Variants in DYNC2H1 observed in about 807,000 individuals in gnomAD.
DYNC2H1 encodes the protein cytoplasmic dynein 2 heavy chain 1.
A neutral mutation model predicts 570.0 loss-of-function variants in DYNC2H1; 410 were observed. The ratio of observed to expected loss-of-function variants is 0.72; its 90% CI spans 0.66 to 0.78. The LOEUF is 0.78. Ranked by LOEUF, DYNC2H1 falls within the 30% of genes least tolerant of loss-of-function variation. DYNC2H1 has a pLI of 0.00. For missense variants in DYNC2H1, 4,865 were observed against 5,046.4 expected, an observed-to-expected ratio of 0.96 and a Z score of 1.09; for synonymous variants, 1,688 against 1,677.6, an observed-to-expected ratio of 1.01 and a Z score of -0.15.
chr11:103,197,383 G>C (rs1330252343), intron 47 of DYNC2H1, among the ~76,000 whole-genome samples: 1 of 152,104 alleles, frequency 6.6e-6, no homozygotes, highest in African/African-American at 2.4e-5. Context: ...ATATAGACTA[G>C]TGGTGCCATC....
intron 84 of DYNC2H1, among the ~76,000 whole-genome samples, chr11:103,401,727 T>A (rs1942652496): frequency 6.6e-6 from 1 of 152,164 alleles, no homozygotes; most frequent in South Asian, 2.1e-4. Flanking sequence ...TAAAACATCA[T>A]TAAAGTGCTT....
chr11:103,141,719 G>A (rs2134820275), intron 17 of DYNC2H1, among the ~76,000 whole-genome samples: 1 of 152,326 alleles, frequency 6.6e-6, no homozygotes, highest in Admixed American at 6.5e-5. Flanking sequence ...CTGCATGCTG[G>A]GAGAACTATT....
At chr11:103,140,844 A>AT (rs1859875195) in intron 17 of DYNC2H1, among the ~76,000 whole-genome samples, 1 of 152,202 alleles carries the variant, frequency 6.6e-6, no homozygotes, top group Non-Finnish European at 1.5e-5. Flanking sequence ...AGGTACACCC[A>AT]TCAGACGTAG....
In DYNC2H1 at chr11:103,237,265, C is replaced by G. The variant is rs145034250; in HGVS notation, c.9819+726C>G. 5.6e-3 allele frequency among the ~76,000 whole-genome samples: 855 copies of G among 152,056 alleles called. 5 individuals are homozygous for G. The highest frequency in any genetic ancestry group is 0.019 in the African/African-American group (782 of 41,528). On this transcript the variant is annotated intron_variant, in intron 63 of 88. Coordinates refer to ENST00000375735, the MANE Select transcript of DYNC2H1 (RefSeq NM_001377.3). ...TCCTTTTCCTCTCAGTAATCCTTCT[C>G]TCTGCCTACACACTATTTCCTTATT...
intron 82 of DYNC2H1, among the ~76,000 whole-genome samples, chr11:103,337,630 G>A (rs1284942975): frequency 6.6e-6 from 1 of 152,132 alleles, no homozygotes; most frequent in African/African-American, 2.4e-5. Context: ...TCTCTGATGA[G>A]TAGTGATGTT....
chr11:103,253,986 C>T (rs1864943264), intron 66 of DYNC2H1, among the ~76,000 whole-genome samples: 1 of 152,006 alleles, frequency 6.6e-6, no homozygotes. Context: ...ATTTTTTCCC[C>T]TTTAAAGATA....
intron 75 of DYNC2H1, among the ~76,000 whole-genome samples, chr11:103,287,944 T>C (rs750196959): frequency 2.6e-5 from 4 of 152,026 alleles, no homozygotes; most frequent in Non-Finnish European, 4.4e-5. Flanking sequence ...TCCCTGAGCA[T>C]TGGGGGTTAC....
At chr11:103,312,167 G>C in intron 79 of DYNC2H1, 134 bp downstream of exon 79, 1 of 861,142 alleles carries the variant, frequency 1.2e-6, no homozygotes. Context: ...GATCACCTGA[G>C]GTCCGGAGTT....
intron 87 of DYNC2H1, among the ~76,000 whole-genome samples, chr11:103,460,302 G>A (rs2135822494): frequency 7.2e-6 from 1 of 139,240 alleles, no homozygotes; most frequent in South Asian, 2.3e-4. Context: ...AACCATGCAT[G>A]TAATTATAGC....
Position 103,186,366 on chromosome 11 carries a change from A to G in DYNC2H1, c.6758A>G (p.Asp2253Gly), listed in dbSNP as rs777990945. The change falls in exon 42 of 89, where the codon GAT becomes GGT. Residue 2253 changes from aspartate to glycine, a missense_variant. By Grantham distance (94) the Asp-to-Gly change is moderately conservative. Around this residue, in one of 5 missense-constraint regions of DYNC2H1, gnomAD observed 2,401 missense variants for 2,454.6 expected, o/e 0.98. Transcript: ENST00000375735. The surrounding 1 kb of genome is among the most constrained non-coding windows in gnomAD (Gnocchi z 4.5). ...LKKPEDLTAD[D>G]FSNGLTLPVI... ...AAGCCAGAAGACTTGACTGCTGATG[A>G]TTTCAGTAACGGCTTAACTCTTCCA... 1.2e-6 allele frequency: 2 copies of G among 1,612,806 alleles called. No individual in the cohort carries two copies. Among genetic ancestry groups the G allele is most frequent in the South Asian group, 2.2e-5 (2 of 91,072 alleles).
At chr11:103,270,202 A>G (rs1865650007) in intron 70 of DYNC2H1, among the ~76,000 whole-genome samples, 2 of 151,184 alleles carry the variant, frequency 1.3e-5, no homozygotes, top group Admixed American at 1.3e-4. Flanking sequence ...CAAAAAAAAA[A>G]AAAAAAATAA....
chr11:103,160,917 G>C lies in DYNC2H1; in HGVS notation c.4379-15G>C. 7.0e-7 allele frequency: 1 copy of C among 1,436,528 alleles called. No individual in the cohort carries two copies. The highest frequency in any genetic ancestry group is 9.4e-7 in the Non-Finnish European group (1 of 1,063,358). The allele number at this position is 1,436,528 out of a possible 1,614,324, so 89.0% of individuals were successfully genotyped here. A position where few individuals can be genotyped will look rare whatever the true frequency, so the allele number is the denominator to read the frequency against. On this transcript the variant is annotated splice_polypyrimidine_tract_variant and intron_variant, in intron 28 of 88. Coordinates refer to ENST00000375735, the MANE Select transcript of DYNC2H1 (RefSeq NM_001377.3). Reference sequence around the variant, plus strand: ...TTAATCCTTTTGCAATTCAATCATTGCTTTTATATTTCAGGTATTAACAGT... The same window carrying C: ...TTAATCCTTTTGCAATTCAATCATTCCTTTTATATTTCAGGTATTAACAGT...
intron 80 of DYNC2H1, 90 bp downstream of exon 80, chr11:103,316,710 T>C: frequency 1.1e-6 from 1 of 940,980 alleles, no homozygotes; most frequent in Non-Finnish European, 1.5e-6. Flanking sequence ...GTGGCTTAAC[T>C]TCCTATCACA....
intron 83 of DYNC2H1, among the ~76,000 whole-genome samples, chr11:103,390,783 C>T (rs540017758): frequency 3.9e-4 from 59 of 152,232 alleles, no homozygotes; most frequent in African/African-American, 1.1e-3. Context: ...ATATGAAATT[C>T]TGGGTTGAAA....
At chr11:103,202,964 A>G (rs547490385) in intron 50 of DYNC2H1, among the ~76,000 whole-genome samples, 82 of 152,210 alleles carry the variant, frequency 5.4e-4, no homozygotes, top group Admixed American at 4.7e-3. Context: ...TGGCCTGCAT[A>G]GTAGCAGGCC....
intron 82 of DYNC2H1, among the ~76,000 whole-genome samples, chr11:103,331,847 G>A (rs1938813447): frequency 6.6e-6 from 1 of 152,166 alleles, no homozygotes; most frequent in Admixed American, 6.5e-5. Flanking sequence ...AGATCACGAG[G>A]TCAGGAGATG....
At chr11:103,468,495 C>A in intron 87 of DYNC2H1, 94 bp from the exon 88 acceptor site, 1 of 797,154 alleles carries the variant, frequency 1.3e-6, no homozygotes, top group Non-Finnish European at 2.0e-6. Flanking sequence ...TCGGTGAACA[C>A]AATGGAAAGC....
intron 85 of DYNC2H1, among the ~76,000 whole-genome samples, chr11:103,451,463 G>C (rs184000721): frequency 6.6e-6 from 1 of 150,464 alleles, no homozygotes; most frequent in Non-Finnish European, 1.5e-5. Flanking sequence ...CTCCCAAGTA[G>C]CTGGGGCTAC....
chr11:103,320,288 G>A (rs1033536396), intron 80 of DYNC2H1, among the ~76,000 whole-genome samples: 1 of 152,130 alleles, frequency 6.6e-6, no homozygotes, highest in Admixed American at 6.5e-5. Context: ...TGTAATCCCA[G>A]CTACTCAGGA....
Sources: gnomAD v4.1 joint callset for allele counts (sites outside exome capture counted in the v4.1 genomes callset) on GRCh38, gnomAD v4.1.1 for gene constraint, gnomAD v4.1.1 regional missense constraint, Gnocchi (gnomAD v3.1) non-coding constraint, MANE v1.5 for transcripts, NCBI Gene and HGNC (gene_info 2026-07-23, HGNC 2026-07-21) for gene names.